Variants in FANCB observed in about 807,000 individuals in gnomAD.
The protein encoded by FANCB is Fanconi anemia group B protein.
Under a neutral mutation model 38.9 loss-of-function variants are expected in FANCB, and 5 were observed. The observed-to-expected ratio is 0.13, with a 90% confidence interval of 0.07 to 0.27. The LOEUF (loss-of-function observed/expected upper bound fraction) is 0.27, where lower values mean the gene tolerates loss of function less well. Among genes scored for constraint, FANCB ranks in the 10% least tolerant of loss-of-function variants. FANCB has a pLI of 1.00. For missense variants in FANCB, 573 were observed against 602.7 expected, an observed-to-expected ratio of 0.95 and a Z score of 0.52; for synonymous variants, 236 against 215.4, an observed-to-expected ratio of 1.10 and a Z score of -0.84.
At chrX:14,728,845 C>T in the FANCB span, among the ~76,000 whole-genome samples, 3 of 112,324 alleles carry the variant, frequency 2.7e-5, no homozygotes, top group Non-Finnish European at 3.8e-5. Context: ...CCTCTGAGCA[C>T]GTATACTATA....
chrX:14,854,969 T>C (rs1459175568), intron 5 of FANCB, among the ~76,000 whole-genome samples: 1 of 112,175 alleles, frequency 8.9e-6, no homozygotes, highest in East Asian at 2.8e-4. Flanking sequence ...ATGGAATCAC[T>C]CTGCATGTAT....
At chrX:14,769,285 C>T in the FANCB span, among the ~76,000 whole-genome samples, 4 of 111,387 alleles carry the variant, frequency 3.6e-5, no homozygotes, top group Admixed American at 3.8e-4. Context: ...GTGAATCCGT[C>T]GGGTCCTGGG....
chrX:14,748,363 C>T, the FANCB span, among the ~76,000 whole-genome samples: 4 of 64,029 alleles, frequency 6.2e-5, no homozygotes, highest in Non-Finnish European at 1.2e-4. Flanking sequence ...TGACTGCAGT[C>T]CTGGACAGCA....
chrX:14,844,977 C>T lies in FANCB; in HGVS notation c.1806G>A (p.Met602Ile), dbSNP rs986844479. 5 of 1,205,093 alleles carry T rather than the reference C, an allele frequency of 4.1e-6. No individual in the cohort carries two copies. The highest frequency in any genetic ancestry group is 2.2e-6 in the Non-Finnish European group (2 of 891,452). The change falls in exon 8 of 10, where the codon ATG becomes ATA. Residue 602 changes from methionine (M) to isoleucine (I), a missense_variant. Physicochemically the swap from Met to Ile is conservative, Grantham distance 10. Transcript: ENST00000650831. ...KFCCTVLLQI[M>I]ERESGNCPKD... ...TAGGACAGTTACCACTTTCTCTCTC[C>T]ATAATTTGTAGCAGTACAGTGCAAC...
chrX:14,807,753 A>T, the FANCB span, among the ~76,000 whole-genome samples: 2 of 112,108 alleles, frequency 1.8e-5, no homozygotes, highest in Non-Finnish European at 3.8e-5. Flanking sequence ...AAGAAAACAA[A>T]ATAAAAGATC....
At chrX:14,732,372 T>G in the FANCB span, among the ~76,000 whole-genome samples, 315 of 112,388 alleles carry the variant, frequency 2.8e-3, 1 homozygote, top group Non-Finnish European at 5.3e-3. Flanking sequence ...TATAGCAGAA[T>G]GATTTATAAT....
At chrX:14,700,621 A>G in the FANCB span, among the ~76,000 whole-genome samples, 4 of 111,979 alleles carry the variant, frequency 3.6e-5, no homozygotes, top group African/African-American at 1.3e-4. Flanking sequence ...TAACCTCAAC[A>G]ACAGCAGGCT....
chrX:14,693,556 G>GA, the FANCB span, among the ~76,000 whole-genome samples: 1 of 111,611 alleles, frequency 9.0e-6, no homozygotes, highest in Non-Finnish European at 1.9e-5. Flanking sequence ...GCAACTGATA[G>GA]AAAAAAAGCA....
chrX:14,823,002 T>C, the FANCB span, among the ~76,000 whole-genome samples: 1 of 111,039 alleles, frequency 9.0e-6, no homozygotes, highest in South Asian at 3.8e-4. Flanking sequence ...AAAATGATTC[T>C]ACTCTGCAGA....
the FANCB span, among the ~76,000 whole-genome samples, chrX:14,769,391 A>G: frequency 7.2e-5 from 8 of 111,344 alleles, no homozygotes; most frequent in African/African-American, 2.6e-4. Flanking sequence ...TCAGTCTTGG[A>G]AGGGTTATGT....
chrX:14,833,245 T>C (rs936847094), downstream of FANCB, among the ~76,000 whole-genome samples: 1 of 110,799 alleles, frequency 9.0e-6, no homozygotes, highest in African/African-American at 3.2e-5. Flanking sequence ...ATGGATTACC[T>C]TGTATTTATC....
At chrX:14,743,943 G>T in the FANCB span, among the ~76,000 whole-genome samples, 1 of 111,583 alleles carries the variant, frequency 9.0e-6, no homozygotes, top group African/African-American at 3.3e-5. Context: ...ACACCTTAGA[G>T]GGCCCATGTT....
the FANCB span, among the ~76,000 whole-genome samples, chrX:14,735,096 TCTC>T: frequency 3.1e-3 from 339 of 109,865 alleles, 1 homozygote; most frequent in African/African-American, 0.01. Flanking sequence ...TTTATGTTCT[TCTC>T]TAAACTGGTT....
At chrX:14,702,564 C>A in the FANCB span, among the ~76,000 whole-genome samples, 2,968 of 111,673 alleles carry the variant, frequency 0.027, 96 homozygotes, top group African/African-American at 0.092. Context: ...GGTTTGAATT[C>A]TTTGCAGTAA....
chrX:14,750,754 T>C, the FANCB span, among the ~76,000 whole-genome samples: 9 of 111,081 alleles, frequency 8.1e-5, no homozygotes, highest in Non-Finnish European at 7.5e-5. Flanking sequence ...TCAAAGGTTT[T>C]TATAGCTAGA....
chrX:14,736,356 G>T, the FANCB span, among the ~76,000 whole-genome samples: 1 of 111,760 alleles, frequency 8.9e-6, no homozygotes, highest in African/African-American at 3.3e-5. Flanking sequence ...GAAACCCAGG[G>T]CCCTGGTGGT....
At chrX:14,735,196 A>AGT in the FANCB span, among the ~76,000 whole-genome samples, 1 of 108,117 alleles carries the variant, frequency 9.2e-6, no homozygotes, top group Admixed American at 1.0e-4. Context: ...AGCTCAGAGG[A>AGT]GTTTGTTATT....
At chrX:14,736,295 C>T in the FANCB span, among the ~76,000 whole-genome samples, 1 of 110,501 alleles carries the variant, frequency 9.0e-6, no homozygotes, top group African/African-American at 3.3e-5. Flanking sequence ...AAAAAAAAAA[C>T]TCCTACAGCT....
rs1480015600 is a variant in FANCB at position 14,843,416 on chromosome X, T to C, written c.*151A>G. On this transcript the variant is annotated 3_prime_UTR_variant, in exon 10 of 10. Coordinates refer to ENST00000650831, the MANE Select transcript of FANCB (RefSeq NM_001018113.3). ...TAAAATGGCCCTAGTTGAGAACCAC[T>C]GCTGTTTATTTTGTGCATCATCAAA... 55 of 432,419 alleles carry C rather than the reference T, an allele frequency of 1.3e-4. No homozygotes were observed. The highest frequency in any genetic ancestry group is 3.9e-5 in the Non-Finnish European group (10 of 254,714). The allele number at this position is 432,419 out of a possible 1,213,427, so 35.6% of individuals were successfully genotyped here. A position where few individuals can be genotyped will look rare whatever the true frequency, so the allele number is the denominator to read the frequency against.
Sources: gnomAD v4.1 joint callset for allele counts (sites outside exome capture counted in the v4.1 genomes callset) on GRCh38, gnomAD v4.1.1 for gene constraint, MANE v1.5 for transcripts, NCBI Gene and HGNC (gene_info 2026-07-23, HGNC 2026-07-21) for gene names.